Variants in ATF7IP observed in about 807,000 individuals in gnomAD.
ATF7IP encodes the protein activating transcription factor 7 interacting protein.
A neutral mutation model predicts 106.4 loss-of-function variants in ATF7IP; 23 were observed. The observed-to-expected ratio is 0.22, with a 90% CI of 0.16 to 0.31. ATF7IP has a LOEUF of 0.31. Among genes scored for constraint, ATF7IP ranks in the 10% least tolerant of loss-of-function variants. The probability of loss-of-function intolerance (pLI) is 1.00; values close to 1 mark genes in which losing one functional copy is unlikely to be tolerated. For synonymous variants in ATF7IP, 542 were observed against 539.0 expected, an observed-to-expected ratio of 1.01 and a Z score of -0.08; for missense variants, 1,334 against 1,524.3, an observed-to-expected ratio of 0.88 and a Z score of 2.08.
intron 13 of ATF7IP, chr12:14,481,672 ATTTAAC>A: frequency 4.7e-6 from 2 of 428,128 alleles, no homozygotes; most frequent in Non-Finnish European, 9.2e-6. Context: ...GTTGTCTTTA[ATTTAAC>A]TTTATTTATG....
intron 10 of ATF7IP, 111 bp from the exon 11 acceptor site, chr12:14,475,779 G>A (rs1179509293): frequency 5.4e-6 from 4 of 746,226 alleles, no homozygotes; most frequent in East Asian, 5.6e-5. Context: ...TAAGGGTCCA[G>A]ATTGAACCAG....
At chr12:14,466,961 A>G (rs1465428619) in intron 10 of ATF7IP, among the ~76,000 whole-genome samples, 1 of 151,978 alleles carries the variant, frequency 6.6e-6, no homozygotes, top group African/African-American at 2.4e-5. Flanking sequence ...GTTTACCTTC[A>G]CTTGTACCAC....
chr12:14,473,286 CTCTCTGTG>C (rs1944125988), intron 10 of ATF7IP, among the ~76,000 whole-genome samples: 1 of 53,734 alleles, frequency 1.9e-5, no homozygotes, highest in African/African-American at 1.2e-4. Context: ...CTCTCTCTCT[CTCTCTGTG>C]TGTGTGTGTG....
chr12:14,423,423 TAGTTC>T (rs1347359376), intron 1 of ATF7IP, among the ~76,000 whole-genome samples: 2 of 152,046 alleles, frequency 1.3e-5, no homozygotes, highest in African/African-American at 4.8e-5. Context: ...AATATGTTTA[TAGTTC>T]TGCCAATCTA....
At chr12:14,451,440 C>G (rs950751047) in intron 6 of ATF7IP, among the ~76,000 whole-genome samples, 6 of 151,806 alleles carry the variant, frequency 4.0e-5, no homozygotes, top group Admixed American at 2.6e-4. Context: ...TTTAGTTTTT[C>G]CCCTCTAGTT....
At chr12:14,436,034 A>G in intron 3 of ATF7IP, 72 bp from the exon 4 acceptor site, 1 of 1,449,584 alleles carries the variant, frequency 6.9e-7, no homozygotes, top group East Asian at 2.3e-5. Context: ...ATATTTTGCT[A>G]AGGATGGATA....
At chr12:14,405,926 AATGTTTTGCAAGCATC>A (rs1432563449) in intron 1 of ATF7IP, among the ~76,000 whole-genome samples, 4 of 152,158 alleles carry the variant, frequency 2.6e-5, no homozygotes, top group African/African-American at 9.7e-5. Context: ...TGCTTTGAAT[AATGTTTTGCAAGCATC>A]ATGTCTTCTT....
intron 1 of ATF7IP, among the ~76,000 whole-genome samples, chr12:14,368,537 T>C (rs1297892779): frequency 6.6e-6 from 1 of 152,196 alleles, no homozygotes; most frequent in African/African-American, 2.4e-5. Flanking sequence ...TGAACGTTCT[T>C]GTACTATACC....
Position 14,457,349 on chromosome 12 carries a change from G to A in ATF7IP, c.2158+54G>A, listed in dbSNP as rs998129316. 2.7e-5 allele frequency: 35 copies of A among 1,290,796 alleles called. 1 individual carries two copies. In the South Asian group the frequency reaches 3.3e-4, roughly 12 times the overall value. 80.0% of individuals were successfully genotyped at this position (1,290,796 alleles called of 1,614,324 possible). On this transcript the variant is annotated intron_variant, in intron 8 of 14. Coordinates refer to ENST00000261168, the MANE Select transcript of ATF7IP (RefSeq NM_018179.5). ...ATTTTCTTAGGAATTAAAGGCTTTG[G>A]TTCTCTTTTCTTACATTCTTTTGAG...
chr12:14,393,415 A>G (rs1398045414), intron 1 of ATF7IP, among the ~76,000 whole-genome samples: 1 of 152,178 alleles, frequency 6.6e-6, no homozygotes, highest in African/African-American at 2.4e-5. Flanking sequence ...ATGAAATTGT[A>G]TCATTATATT....
At chr12:14,416,880 T>C in intron 1 of ATF7IP, 4 of 981,386 alleles carry the variant, frequency 4.1e-6, no homozygotes, top group Non-Finnish European at 4.8e-6. Flanking sequence ...TTGAAGCAGC[T>C]GTTGATATAT....
chr12:14,385,293 A>C, intron 1 of ATF7IP: 1 of 1,102,416 alleles, frequency 9.1e-7, no homozygotes, highest in Non-Finnish European at 1.3e-6. Flanking sequence ...ACTTTTGTGC[A>C]ACTGAGACTG....
At chr12:14,466,476 C>G in intron 9 of ATF7IP, 50 bp from the exon 10 acceptor site, 1 of 1,484,300 alleles carries the variant, frequency 6.7e-7, no homozygotes, top group Non-Finnish European at 9.3e-7. Context: ...AGCAACTTAA[C>G]TTTTTACATT....
At chr12:14,380,305 A>G (rs1034484441) in intron 1 of ATF7IP, among the ~76,000 whole-genome samples, 1 of 152,012 alleles carries the variant, frequency 6.6e-6, no homozygotes, top group Admixed American at 6.6e-5. Context: ...CATGTTGGAA[A>G]CTTTTCTCAA....
chr12:14,469,362 C>A (rs1483547950), intron 10 of ATF7IP, among the ~76,000 whole-genome samples: 80 of 88,366 alleles, frequency 9.1e-4, no homozygotes, highest in African/African-American at 1.7e-3. Flanking sequence ...GAGACTGTCT[C>A]AAAAAAAAAA....
At chr12:14,367,568 AGAACTTT>A (rs1418413369) in intron 1 of ATF7IP, 1 of 152,132 alleles carries the variant, frequency 6.6e-6, no homozygotes, top group African/African-American at 2.4e-5. Flanking sequence ...GGTTAACAAA[AGAACTTT>A]GATCTTTGAT....
intron 13 of ATF7IP, among the ~76,000 whole-genome samples, chr12:14,491,052 C>A (rs1399235853): frequency 6.6e-6 from 1 of 152,176 alleles, no homozygotes. Flanking sequence ...CCGTGATTCA[C>A]CTATGGGGTC....
intron 5 of ATF7IP, among the ~76,000 whole-genome samples, chr12:14,441,858 T>A (rs1942727619): frequency 6.6e-6 from 1 of 152,160 alleles, no homozygotes; most frequent in Non-Finnish European, 1.5e-5. Context: ...TGCAAATATT[T>A]TCTCCCGTTC....
chr12:14,481,325 A>G, intron 13 of ATF7IP, 140 bp downstream of exon 13: 1 of 709,482 alleles, frequency 1.4e-6, no homozygotes, highest in Non-Finnish European at 2.3e-6. Flanking sequence ...AGTTCAAGAG[A>G]TCTGTACTAC....
Sources: allele counts gnomAD v4.1 joint callset (sites outside exome capture counted in the v4.1 genomes callset), GRCh38; gene constraint gnomAD v4.1.1; transcripts MANE v1.5; gene names NCBI Gene and HGNC (gene_info 2026-07-23, HGNC 2026-07-21).